The following RPS6KA2 variants were observed in gnomAD, a reference collection of about 807,000 sequenced individuals.
RPS6KA2 encodes the protein ribosomal protein S6 kinase alpha-2.
A neutral mutation model predicts 91.8 loss-of-function variants in RPS6KA2; 42 were observed. That is an observed-to-expected ratio of 0.46 (90% CI 0.36 to 0.59). The LOEUF is 0.59. RPS6KA2 is among the 20% of genes least tolerant of loss of function. The pLI, the probability that RPS6KA2 is intolerant of heterozygous loss-of-function variation, is 0.00. For synonymous variants in RPS6KA2, 414 were observed against 393.6 expected, an observed-to-expected ratio of 1.05 and a Z score of -0.61; for missense variants, 798 against 978.5, an observed-to-expected ratio of 0.82 and a Z score of 2.46.
rs1778359442 is a variant in RPS6KA2, at chr6:166,767,791, AC to A, written c.123+90408del. ...CCTCCTCAAACACACACACACACACACACACACACACACACACACACACACC... is the reference window on the plus strand; with the variant it reads ...CCTCCTCAAACACACACACACACACAACACACACACACACACACACACACC... On this transcript the variant is annotated intron_variant, in intron 2 of 21. Coordinates refer to the RPS6KA2 transcript ENST00000503859. The surrounding 1 kb of genome is among the most constrained non-coding windows in gnomAD (Gnocchi z 4.6). 2.4e-5 allele frequency among the ~76,000 whole-genome samples: 2 copies of A among 84,872 alleles called. No homozygotes were observed. The highest frequency in any genetic ancestry group is 5.9e-5 in the Non-Finnish European group (2 of 34,132). The allele number at this position is 84,872 out of a possible 152,430, so 55.7% of individuals were successfully genotyped here.
rs111600741 is a variant in RPS6KA2, at chr6:166,858,071, T to C, written c.123+129A>G. On this transcript the variant is annotated intron_variant, in intron 2 of 21. Transcript: ENST00000503859. ...ATACACGTTTGTGCATGTGTATGTATAGAGACACATATGTCACTAAAATAA... is the reference window on the plus strand; with the variant it reads ...ATACACGTTTGTGCATGTGTATGTACAGAGACACATATGTCACTAAAATAA... The C allele has an allele frequency of 5.6e-3, 4,095 of 725,616 alleles. 19 individuals carry two copies. The highest frequency in any genetic ancestry group is 7.2e-3 in the Non-Finnish European group (2,830 of 392,146). 44.9% of individuals were successfully genotyped at this position (725,616 alleles called of 1,614,324 possible). A position where few individuals can be genotyped will look rare whatever the true frequency, so the allele number is the denominator to read the frequency against.
chr6:166,710,564 G>C (rs1270634973), intron 2 of RPS6KA2, among the ~76,000 whole-genome samples: 2 of 151,970 alleles, frequency 1.3e-5, no homozygotes, highest in African/African-American at 4.8e-5. Flanking sequence ...GTGTCTGTGT[G>C]TGTGTCTATG....
At chr6:166,676,624 T>C (rs1388217596) in intron 2 of RPS6KA2, among the ~76,000 whole-genome samples, 1 of 152,156 alleles carries the variant, frequency 6.6e-6, no homozygotes, top group Non-Finnish European at 1.5e-5. Flanking sequence ...CTCCTGGAGG[T>C]GTCCCTGTGC....
intron 2 of RPS6KA2, among the ~76,000 whole-genome samples, chr6:166,827,675 A>G (rs1490046634): frequency 2.0e-5 from 3 of 152,238 alleles, no homozygotes; most frequent in Admixed American, 6.5e-5. Context: ...TGTTCCCACC[A>G]CCAAAAACAA....
chr6:166,476,923 A>G (rs1780997132), intron 10 of RPS6KA2, among the ~76,000 whole-genome samples: 1 of 152,108 alleles, frequency 6.6e-6, no homozygotes, highest in Admixed American at 6.6e-5. Context: ...CAGGGTTAGA[A>G]CGAGGCCTCT....
intron 2 of RPS6KA2, among the ~76,000 whole-genome samples, chr6:166,846,831 T>C (rs572507255): frequency 4.6e-5 from 7 of 152,262 alleles, no homozygotes; most frequent in Middle Eastern, 3.4e-3. Context: ...ACCACTTCTA[T>C]TCAACATAGT....
intron 1 of RPS6KA2, among the ~76,000 whole-genome samples, chr6:166,591,247 C>T (rs1290703026): frequency 6.6e-6 from 1 of 152,130 alleles, no homozygotes; most frequent in Non-Finnish European, 1.5e-5. Flanking sequence ...AAAGATGTTA[C>T]CATCATTCAA....
chr6:166,420,075 C>A, intron 17 of RPS6KA2, 117 bp from the exon 18 acceptor site: 1 of 921,116 alleles, frequency 1.1e-6, no homozygotes, highest in East Asian at 2.6e-5. Flanking sequence ...AGGGCGGTGC[C>A]ATGTCTTCGG....
intron 2 of RPS6KA2, among the ~76,000 whole-genome samples, chr6:166,801,223 G>A (rs1779357084): frequency 6.6e-6 from 1 of 152,150 alleles, no homozygotes; most frequent in African/African-American, 2.4e-5. Flanking sequence ...GATAAAGCTT[G>A]CAATCAAAAC....
At chr6:166,839,524 C>A (rs1780403849) in intron 2 of RPS6KA2, among the ~76,000 whole-genome samples, 1 of 150,970 alleles carries the variant, frequency 6.6e-6, no homozygotes, top group South Asian at 2.1e-4. Context: ...GGGTTAGTTA[C>A]TGTATATTTA....
At chr6:166,625,338 C>A (rs6916042) in intron 1 of RPS6KA2, among the ~76,000 whole-genome samples, 4 of 110,286 alleles carry the variant, frequency 3.6e-5, no homozygotes, top group Admixed American at 9.4e-5. Context: ...CCCACCCCCC[C>A]CCCCGCTTGT....
At chr6:166,711,922 CAGAG>C (rs1249658604) in intron 2 of RPS6KA2, among the ~76,000 whole-genome samples, 3 of 150,508 alleles carry the variant, frequency 2.0e-5, no homozygotes, top group South Asian at 4.2e-4. Context: ...GACTGATTGA[CAGAG>C]AGAGAGAGAG....
intron 1 of RPS6KA2, among the ~76,000 whole-genome samples, chr6:166,584,246 G>A (rs1681050726): frequency 6.6e-6 from 1 of 152,194 alleles, no homozygotes; most frequent in Non-Finnish European, 1.5e-5. Flanking sequence ...CCCTTTCGTG[G>A]TGGAGCAAGA....
intron 2 of RPS6KA2, among the ~76,000 whole-genome samples, chr6:166,686,745 T>C (rs1162484220): frequency 6.6e-6 from 1 of 152,186 alleles, no homozygotes; most frequent in Non-Finnish European, 1.5e-5. Flanking sequence ...AACTGTGCTA[T>C]GTTTTGAGGA....
upstream of RPS6KA2, among the ~76,000 whole-genome samples, chr6:166,631,153 C>T (rs1018571198): frequency 6.6e-6 from 1 of 152,086 alleles, no homozygotes; most frequent in South Asian, 2.1e-4. Context: ...CTGAGCATAT[C>T]GAAAATTTAA....
chr6:166,746,974 G>A (rs1271225183), intron 2 of RPS6KA2, among the ~76,000 whole-genome samples: 2 of 152,216 alleles, frequency 1.3e-5, no homozygotes, highest in African/African-American at 4.8e-5. Context: ...CATGGGGAAG[G>A]GTGTGGAGCT....
At chr6:166,854,477 G>A (rs1013227353) in intron 2 of RPS6KA2, among the ~76,000 whole-genome samples, 4 of 100,328 alleles carry the variant, frequency 4.0e-5, no homozygotes, top group African/African-American at 7.6e-5. Context: ...GGCAAGCCTC[G>A]CTCACCTTTT....
intron 2 of RPS6KA2, among the ~76,000 whole-genome samples, chr6:166,714,071 T>C (rs1332971282): frequency 6.6e-6 from 1 of 152,200 alleles, no homozygotes; most frequent in African/African-American, 2.4e-5. Context: ...TCCAACCATG[T>C]CCATCTCCTG....
intron 8 of RPS6KA2, among the ~76,000 whole-genome samples, chr6:166,498,119 C>A (rs1281956830): frequency 2.0e-5 from 3 of 152,208 alleles, no homozygotes; most frequent in Non-Finnish European, 4.4e-5. Flanking sequence ...GACGCTGATG[C>A]AAAAATGCCT....
Sources: gnomAD v4.1 joint callset for allele counts (sites outside exome capture counted in the v4.1 genomes callset) on GRCh38, gnomAD v4.1.1 for gene constraint, Gnocchi (gnomAD v3.1) non-coding constraint, MANE v1.5 for transcripts, NCBI Gene and HGNC (gene_info 2026-07-23, HGNC 2026-07-21) for gene names.